ADCYAP1R1: variants seen among roughly 807,000 people sequenced by gnomAD.
ADCYAP1R1 encodes pituitary adenylate cyclase-activating polypeptide type I receptor.
Under a neutral mutation model 67.6 loss-of-function variants are expected in ADCYAP1R1, and 44 were observed. The observed-to-expected ratio is 0.65, with a 90% confidence interval of 0.51 to 0.84. ADCYAP1R1 has a LOEUF of 0.84. Ranked by LOEUF, ADCYAP1R1 falls within the 40% of genes least tolerant of loss-of-function variation. The probability of loss-of-function intolerance (pLI) is 0.00; values close to 1 mark genes in which losing one functional copy is unlikely to be tolerated. For synonymous variants in ADCYAP1R1, 222 were observed against 219.6 expected, an observed-to-expected ratio of 1.01 and a Z score of -0.10; for missense variants, 477 against 587.9, an observed-to-expected ratio of 0.81 and a Z score of 1.95.
intron 3 of ADCYAP1R1, among the ~76,000 whole-genome samples, chr7:31,065,528 C>T (rs527602752): frequency 2.6e-5 from 4 of 152,282 alleles, no homozygotes; most frequent in East Asian, 1.9e-4. Flanking sequence ...ATGCCCATAA[C>T]GTCCCCGATC....
intron 4 of ADCYAP1R1, among the ~76,000 whole-genome samples, chr7:31,078,642 A>G (rs565844636): frequency 1.8e-4 from 27 of 152,340 alleles, no homozygotes; most frequent in African/African-American, 6.5e-4. Flanking sequence ...ACCCACGTCC[A>G]CATGCAGAGC....
intron 6 of ADCYAP1R1, among the ~76,000 whole-genome samples, chr7:31,083,362 C>T (rs1795594280): frequency 6.6e-6 from 1 of 152,208 alleles, no homozygotes; most frequent in African/African-American, 2.4e-5. Context: ...CCAGCCTGGA[C>T]TTCACTGTGC....
chr7:31,087,523 G>C, intron 11 of ADCYAP1R1, 104 bp from the exon 12 acceptor site: 4 of 947,392 alleles, frequency 4.2e-6, no homozygotes, highest in Non-Finnish European at 6.8e-6. Flanking sequence ...AGAGAGCTGC[G>C]GTGGTGAAAG....
chr7:31,073,411 A>G (rs986522639), intron 3 of ADCYAP1R1, among the ~76,000 whole-genome samples: 4 of 152,208 alleles, frequency 2.6e-5, no homozygotes, highest in African/African-American at 9.6e-5. Flanking sequence ...GCATCTTGAA[A>G]TCTTCCAGTC....
At chr7:31,100,220 C>T (rs553504143) in intron 13 of ADCYAP1R1, 19 of 1,550,064 alleles carry the variant, frequency 1.2e-5, no homozygotes, top group Middle Eastern at 1.7e-4. Flanking sequence ...TGTAAGTGTG[C>T]GTGGCCGAGG....
intron 4 of ADCYAP1R1, 125 bp downstream of exon 4, chr7:31,078,223 T>C: frequency 1.5e-6 from 1 of 678,512 alleles, no homozygotes; most frequent in South Asian, 1.9e-5. Flanking sequence ...TGAGCTCACA[T>C]GTGGTGTGGG....
intron 14 of ADCYAP1R1, among the ~76,000 whole-genome samples, 190 bp downstream of exon 14, chr7:31,103,556 T>G (rs1796517725): frequency 6.6e-6 from 1 of 152,198 alleles, no homozygotes; most frequent in Non-Finnish European, 1.5e-5. Flanking sequence ...TGCCCATCAC[T>G]GCATCTGAGT....
chr7:31,072,957 G>A (rs1390671188), intron 3 of ADCYAP1R1, among the ~76,000 whole-genome samples: 1 of 152,186 alleles, frequency 6.6e-6, no homozygotes, highest in Non-Finnish European at 1.5e-5. Flanking sequence ...ATGGGCCCAG[G>A]AATGTGGGTG....
At chr7:31,095,699 C>A (rs1324724396) in intron 13 of ADCYAP1R1, 1 of 718,088 alleles carries the variant, frequency 1.4e-6, no homozygotes, top group South Asian at 1.5e-5. Flanking sequence ...CCCAAGAAAG[C>A]CCGAGAGGAC....
At chr7:31,095,355 T>C (rs747746612) in intron 13 of ADCYAP1R1, among the ~76,000 whole-genome samples, 4 of 152,100 alleles carry the variant, frequency 2.6e-5, no homozygotes, top group Admixed American at 1.3e-4. Context: ...AATGCACAGA[T>C]GAAAAGATAG....
chr7:31,060,725 A>C (rs953436919), intron 1 of ADCYAP1R1, among the ~76,000 whole-genome samples: 1 of 152,060 alleles, frequency 6.6e-6, no homozygotes, highest in African/African-American at 2.4e-5. Flanking sequence ...AAAGAGAGAG[A>C]AACAGAATCA....
intron 3 of ADCYAP1R1, among the ~76,000 whole-genome samples, chr7:31,074,722 G>A (rs571057794): frequency 5.3e-5 from 8 of 152,246 alleles, no homozygotes; most frequent in Non-Finnish European, 1.2e-4. Flanking sequence ...TGATGTCACA[G>A]CCAAGCACAT....
intron 1 of ADCYAP1R1, among the ~76,000 whole-genome samples, chr7:31,060,592 A>C (rs1794460175): frequency 6.6e-6 from 1 of 151,964 alleles, no homozygotes; most frequent in Non-Finnish European, 1.5e-5. Flanking sequence ...TGATACCTTC[A>C]AGTGGTGGCC....
At chr7:31,079,762 C>T (rs778419020) in intron 4 of ADCYAP1R1, among the ~76,000 whole-genome samples, 13 of 152,164 alleles carry the variant, frequency 8.5e-5, no homozygotes, top group East Asian at 3.9e-4. Context: ...TCCAGACCAC[C>T]GGCCGGCCCG....
chr7:31,083,248 C>T (rs1795588370), intron 6 of ADCYAP1R1, among the ~76,000 whole-genome samples: 1 of 152,216 alleles, frequency 6.6e-6, no homozygotes, highest in Admixed American at 6.5e-5. Context: ...GCTTGCTCAC[C>T]CCCCTGCCCT....
At chr7:31,105,719 C>A (rs1796614802) in intron 15 of ADCYAP1R1, among the ~76,000 whole-genome samples, 1 of 152,270 alleles carries the variant, frequency 6.6e-6, no homozygotes, top group Admixed American at 6.5e-5. Flanking sequence ...TTAGGACAGA[C>A]AAGAGAGGCA....
chr7:31,078,067 T>C lies in ADCYAP1R1; in HGVS notation c.234T>C (p.Pro78=), dbSNP rs1287103356. ...GTGAGATGGTCCTGGTCAGCTGCCC[T>C]GAGCTCTTCCGAATCTTCAACCCAG... ...HVGEMVLVSC[P]ELFRIFNPDQ... is the part of the protein sequence containing the mutation. The change falls in exon 4 of 16, where the codon CCT becomes CCC. Residue 78 remains proline, a synonymous_variant. Transcript: ENST00000304166. The C allele has an allele frequency of 1.2e-6, 2 of 1,613,060 alleles. No individual in the cohort carries two copies. Among genetic ancestry groups the C allele is most frequent in the Non-Finnish European group, 1.7e-6 (2 of 1,179,430 alleles).
At position 31,084,804 on chromosome 7, in the gene ADCYAP1R1, C is replaced by T; in HGVS notation, c.506C>T (p.Thr169Ile). ...VGYSTSLVTLTTAMVILCRFR... is the reference protein window; with the variant it reads ...VGYSTSLVTLITAMVILCRFR... ...TACAGCACATCCCTCGTCACCCTCA[C>T]CACTGCCATGGTCATCCTTTGTCGC... The change falls in exon 8 of 16, where the codon ACC becomes ATC. Residue 169 changes from threonine (T) to isoleucine (I), a missense_variant. By Grantham distance (89) the Thr-to-Ile change is moderately conservative (BLOSUM62 -1). Transcript: ENST00000304166. 6.2e-7 allele frequency: 1 copy of T among 1,614,148 alleles called. No homozygotes were observed. The highest frequency in any genetic ancestry group is 8.5e-7 in the Non-Finnish European group (1 of 1,179,986).
At chr7:31,088,484 C>T (rs559886761) in intron 12 of ADCYAP1R1, among the ~76,000 whole-genome samples, 1 of 152,118 alleles carries the variant, frequency 6.6e-6, no homozygotes, top group Non-Finnish European at 1.5e-5. Flanking sequence ...GGATGTAAAA[C>T]AAAGTCTACA....
Sources: gnomAD v4.1 joint callset for allele counts (sites outside exome capture counted in the v4.1 genomes callset) on GRCh38, gnomAD v4.1.1 for gene constraint, MANE v1.5 for transcripts, NCBI Gene and HGNC (gene_info 2026-07-23, HGNC 2026-07-21) for gene names.